Variants in RPS6KA2 observed in about 807,000 individuals in gnomAD.
The protein encoded by RPS6KA2 is ribosomal protein S6 kinase A2, also known as ribosomal protein S6 kinase alpha-2.
RPS6KA2 carries 42 observed loss-of-function variants against 91.8 expected under a neutral mutation model. The observed-to-expected ratio is 0.46, with a 90% CI of 0.36 to 0.59. The LOEUF is 0.59. Among genes scored for constraint, RPS6KA2 ranks in the 20% least tolerant of loss-of-function variants. The probability of loss-of-function intolerance (pLI) is 0.00; values close to 1 mark genes in which losing one functional copy is unlikely to be tolerated. For synonymous variants in RPS6KA2, 414 were observed against 393.6 expected (o/e 1.05, Z -0.61); for missense variants, 798 against 978.5 (o/e 0.82, Z 2.46).
rs935141295 is a variant in RPS6KA2 at position 166,604,982 on chromosome 6, T to C, written c.99+21939A>G. ...TCTATAAGTCTCTAATAGACATTCC[T>C]ATTTAAGTTTTAAAATATCATGCTT... On this transcript the variant is annotated intron_variant, in intron 1 of 20. Transcript: ENST00000265678. Among the ~76,000 whole-genome samples, 5 of 152,150 alleles carry C rather than the reference T, an allele frequency of 3.3e-5. No individual in the cohort carries two copies. In the East Asian group the frequency reaches 9.7e-4, roughly 29 times the overall value.
intron 2 of RPS6KA2, among the ~76,000 whole-genome samples, chr6:166,735,742 T>G (rs1019352920): frequency 1.8e-4 from 28 of 152,316 alleles, no homozygotes; most frequent in African/African-American, 6.7e-4. Flanking sequence ...CAGGCGATAA[T>G]GCAACTGATG....
rs1401382589 is a variant in RPS6KA2, at chr6:166,797,652, T to G, written c.123+60548A>C. Among the ~76,000 whole-genome samples, 8 of 151,548 alleles carry G rather than the reference T, an allele frequency of 5.3e-5. No homozygotes were observed. The East Asian group carries it at 1.5e-3, about 29-fold the overall frequency. The stretch of plus-strand genomic sequence containing the variant: ...TCATCCTTGTTGTCCAGGCAGGGGG[T>G]GCTGACGAGAGGGAGGAGGAAGGCT... On this transcript the variant is annotated intron_variant, in intron 2 of 21. Transcript: ENST00000503859.
intron 11 of RPS6KA2, among the ~76,000 whole-genome samples, chr6:166,462,822 G>A (rs937193239): frequency 6.6e-6 from 1 of 152,272 alleles, no homozygotes; most frequent in Non-Finnish European, 1.5e-5. Context: ...ACCAGAGGGA[G>A]GCATGCGTGT....
intron 2 of RPS6KA2, among the ~76,000 whole-genome samples, chr6:166,811,442 T>C (rs754357206): frequency 2.6e-5 from 4 of 152,194 alleles, no homozygotes; most frequent in Non-Finnish European, 5.9e-5. Context: ...CTGGGCAACA[T>C]AGCAAGACTC....
At chr6:166,812,491 G>A (rs1284695805) in intron 2 of RPS6KA2, among the ~76,000 whole-genome samples, 1 of 152,174 alleles carries the variant, frequency 6.6e-6, no homozygotes, top group African/African-American at 2.4e-5. Context: ...CTTCCCAGGG[G>A]CTGAGTGTGG....
At chr6:166,573,995 A>T (rs1028233193) in intron 1 of RPS6KA2, among the ~76,000 whole-genome samples, 7 of 152,034 alleles carry the variant, frequency 4.6e-5, no homozygotes, top group African/African-American at 1.4e-4. Flanking sequence ...CTAACAGCTC[A>T]CAATAAACCA....
intron 2 of RPS6KA2, among the ~76,000 whole-genome samples, chr6:166,680,389 G>T (rs1454329855): frequency 6.6e-6 from 1 of 152,180 alleles, no homozygotes; most frequent in African/African-American, 2.4e-5. Context: ...ATGTGGGTGG[G>T]GCCAGATAAG....
chr6:166,689,671 C>T (rs1789143356), intron 2 of RPS6KA2, among the ~76,000 whole-genome samples: 1 of 152,144 alleles, frequency 6.6e-6, no homozygotes, highest in African/African-American at 2.4e-5. Flanking sequence ...GTGCAGGCAT[C>T]TCAGACAGCT....
intron 2 of RPS6KA2, among the ~76,000 whole-genome samples, chr6:166,707,329 A>G (rs1414118324): frequency 6.6e-6 from 1 of 152,228 alleles, no homozygotes; most frequent in Admixed American, 6.5e-5. Context: ...GGGAGCTCCA[A>G]CCATGTGGCA....
chr6:166,627,908 G>A (rs1187674775), upstream of RPS6KA2: 1 of 152,228 alleles, frequency 6.6e-6, no homozygotes, highest in East Asian at 1.9e-4. Flanking sequence ...CCTGCCAGCG[G>A]GCCCTGCAGC....
At chr6:166,812,077 G>A (rs888298545) in intron 2 of RPS6KA2, among the ~76,000 whole-genome samples, 9 of 152,146 alleles carry the variant, frequency 5.9e-5, no homozygotes, top group African/African-American at 2.2e-4. Flanking sequence ...CAAGCGGGTC[G>A]GTTGTGGTGG....
chr6:166,477,343 C>A (rs966892691), intron 10 of RPS6KA2, among the ~76,000 whole-genome samples: 33 of 152,084 alleles, frequency 2.2e-4, no homozygotes, highest in Non-Finnish European at 5.9e-5. Flanking sequence ...GGGCTGGTAT[C>A]TTTTAACCAA....
intron 2 of RPS6KA2, among the ~76,000 whole-genome samples, chr6:166,785,165 G>A (rs1268415901): frequency 2.6e-5 from 4 of 152,330 alleles, no homozygotes; most frequent in Non-Finnish European, 5.9e-5. Context: ...GCTTGTAAAG[G>A]CAGTCTCATT....
At chr6:166,746,513 A>G (rs942523700) in intron 2 of RPS6KA2, among the ~76,000 whole-genome samples, 9 of 152,330 alleles carry the variant, frequency 5.9e-5, no homozygotes, top group African/African-American at 2.2e-4. Context: ...AGTTCTGCAC[A>G]GACACCAGCA....
rs749122425 is a variant in RPS6KA2, at chr6:166,419,839, G to C, written c.1820+43C>G. 5 of 1,561,114 alleles carry C rather than the reference G, an allele frequency of 3.2e-6. No individual in the cohort carries two copies. In the South Asian group the frequency reaches 5.6e-5, roughly 17 times the overall value. On this transcript the variant is annotated intron_variant, in intron 18 of 20. Coordinates refer to ENST00000265678, the MANE Select transcript of RPS6KA2 (RefSeq NM_021135.6). The surrounding 1 kb of genome is among the most constrained non-coding windows in gnomAD (Gnocchi z 5.6). ...TGACAGATCAGCCACTGAGGCTGCT[G>C]CCCTGTGTCTCCTCCTGACACCTGT...
In RPS6KA2 at chr6:166,412,917, G is replaced by A. The variant is rs181453206; in HGVS notation, c.2077-30C>T. 5,980 of 1,534,184 alleles carry A rather than the reference G, an allele frequency of 3.9e-3. 20 individuals carry two copies. Among genetic ancestry groups the A allele is most frequent in the Non-Finnish European group, 5.0e-3 (5,719 of 1,136,910 alleles). ...AAAACAGAAGACAAGGGTGAGAGCC[G>A]CGGCGCCTCACTCCAGGGGTTGAGC... On this transcript the variant is annotated intron_variant, in intron 20 of 20. Transcript: ENST00000265678. This position sits in a 1 kb window ranked among gnomAD's most constrained non-coding sequence, Gnocchi z 4.3.
intron 2 of RPS6KA2, among the ~76,000 whole-genome samples, chr6:166,680,449 C>G (rs543001333): frequency 1.3e-4 from 20 of 152,188 alleles, no homozygotes; most frequent in African/African-American, 4.6e-4. Flanking sequence ...CTCTGGTCCC[C>G]TTCCACGTTG....
In RPS6KA2 at chr6:166,508,086, C is replaced by A. The variant is rs1782321068; in HGVS notation, c.459+117G>T. 2 of 660,512 alleles carry A rather than the reference C, an allele frequency of 3.0e-6. No homozygotes were observed. Among genetic ancestry groups the A allele is most frequent in the Non-Finnish European group, 5.5e-6 (2 of 365,082 alleles). 40.9% of individuals were successfully genotyped at this position (660,512 alleles called of 1,614,324 possible). On this transcript the variant is annotated intron_variant, in intron 5 of 20. Transcript: ENST00000265678. The surrounding 1 kb of genome is among the most constrained non-coding windows in gnomAD (Gnocchi z 4.3). ...ACTCACACATGCACACACCCCCACA[C>A]ACACACACGCACTCTCGCACGTGCT...
rs976321110 is a variant in RPS6KA2 at position 166,639,410 on chromosome 6, C to G, written c.124-100626G>C. 2.0e-5 allele frequency among the ~76,000 whole-genome samples: 3 copies of G among 152,162 alleles called. No individual in the cohort carries two copies. Among genetic ancestry groups the G allele is most frequent in the African/African-American group, 7.2e-5 (3 of 41,424 alleles). On this transcript the variant is annotated intron_variant, in intron 2 of 21. Transcript: ENST00000503859. This position sits in a 1 kb window ranked among gnomAD's most constrained non-coding sequence, Gnocchi z 4.2. ...CAGCGTGGGTCCTCCTTAGCTCTTG[C>G]CAGAAAATAGTAATTACTGGCTAAA...
Sources: gnomAD v4.1 joint callset for allele counts (sites outside exome capture counted in the v4.1 genomes callset) on GRCh38, gnomAD v4.1.1 for gene constraint, Gnocchi (gnomAD v3.1) non-coding constraint, MANE v1.5 for transcripts, NCBI Gene and HGNC (gene_info 2026-07-23, HGNC 2026-07-21) for gene names.